The following APMAP variants were observed in gnomAD, a reference collection of about 807,000 sequenced individuals.
The protein encoded by APMAP is adipocyte plasma membrane associated protein.
A neutral mutation model predicts 43.6 loss-of-function variants in APMAP; 33 were observed. That is an observed-to-expected ratio of 0.76 (90% CI 0.57 to 1.01). APMAP has a LOEUF of 1.01. Among genes scored for constraint, APMAP ranks in the 50% least tolerant of loss-of-function variants. The pLI is 0.00. For missense variants in APMAP, 498 were observed against 540.7 expected (o/e 0.92, Z 0.78); for synonymous variants, 224 against 216.7 (o/e 1.03, Z -0.30).
At chr20:24,979,167 C>T (rs180837970) in intron 2 of APMAP, among the ~76,000 whole-genome samples, 103 of 152,332 alleles carry the variant, frequency 6.8e-4, no homozygotes, top group Non-Finnish European at 1.3e-3. Context: ...CTCCCCAGCT[C>T]CCCACCCCCA....
intron 1 of APMAP, among the ~76,000 whole-genome samples, chr20:24,991,418 G>C (rs747229978): frequency 6.6e-6 from 1 of 152,226 alleles, no homozygotes; most frequent in Non-Finnish European, 1.5e-5. Context: ...GGCAACGCAG[G>C]ATGGTTGGTC....
intron 1 of APMAP, among the ~76,000 whole-genome samples, chr20:24,985,946 A>T (rs1405215284): frequency 6.6e-6 from 1 of 152,200 alleles, no homozygotes; most frequent in Admixed American, 6.5e-5. Context: ...AGCAAAGTGG[A>T]TCCTGTAACA....
intron 1 of APMAP, among the ~76,000 whole-genome samples, chr20:24,986,391 G>A (rs946041093): frequency 1.3e-5 from 2 of 152,152 alleles, no homozygotes; most frequent in African/African-American, 4.8e-5. Context: ...AGAGGCCAAG[G>A]GAGCCCAGCT....
At chr20:24,986,264 C>T (rs868047432) in intron 1 of APMAP, among the ~76,000 whole-genome samples, 1 of 152,222 alleles carries the variant, frequency 6.6e-6, no homozygotes, top group Admixed American at 6.5e-5. Flanking sequence ...GAGCTCACCC[C>T]GTACACCTGA....
chr20:24,967,561 TGCTC>T (rs1291340795), intron 8 of APMAP, among the ~76,000 whole-genome samples: 2 of 152,238 alleles, frequency 1.3e-5, no homozygotes, highest in Non-Finnish European at 2.9e-5. Flanking sequence ...GAAAAACACC[TGCTC>T]TGATGGTATG....
intron 1 of APMAP, among the ~76,000 whole-genome samples, chr20:24,989,966 A>C (rs1408004316): frequency 6.6e-6 from 1 of 152,232 alleles, no homozygotes; most frequent in Non-Finnish European, 1.5e-5. Context: ...AATTATACAG[A>C]ATTTAATGTA....
At chr20:24,985,044 T>A (rs1360550225) in intron 1 of APMAP, among the ~76,000 whole-genome samples, 1 of 152,120 alleles carries the variant, frequency 6.6e-6, no homozygotes, top group South Asian at 2.1e-4. Flanking sequence ...TTGACAGAAG[T>A]GTAGTCTTCT....
At chr20:24,983,176 A>G (rs900404118) in intron 2 of APMAP, among the ~76,000 whole-genome samples, 2 of 152,358 alleles carry the variant, frequency 1.3e-5, no homozygotes, top group Middle Eastern at 3.4e-3. Flanking sequence ...TACATTATTC[A>G]GCTAGTATGT....
chr20:24,981,013 C>T (rs1350625497), intron 2 of APMAP, among the ~76,000 whole-genome samples: 1 of 152,244 alleles, frequency 6.6e-6, no homozygotes, highest in African/African-American at 2.4e-5. Context: ...GCTTAGACCA[C>T]ACTTAGAAAT....
At position 24,970,218 on chromosome 20, in the gene APMAP, A is replaced by G; in HGVS notation, c.692T>C (p.Met231Thr). 1 of 1,614,140 alleles carries G rather than the reference A, an allele frequency of 6.2e-7. No individual in the cohort carries two copies. The highest frequency in any genetic ancestry group is 8.5e-7 in the Non-Finnish European group (1 of 1,180,032). The change falls in exon 6 of 9, where the codon ATG becomes ACG. Residue 231 changes from methionine (M) to threonine (T), a missense_variant. Physicochemically the swap from Met to Thr is moderately conservative, Grantham distance 81. Coordinates refer to ENST00000217456, the MANE Select transcript of APMAP (RefSeq NM_020531.3). Reference sequence around the variant, plus strand: ...TCACCGCCCGTCATCTGTGCCCTCCATCACCAGAAGCAGGTAGTCTCGTCT... The same window carrying G: ...TCACCGCCCGTCATCTGTGCCCTCCGTCACCAGAAGCAGGTAGTCTCGTCT... ...WQRRDYLLLV[M>T]EGTDDGRLLE...
At chr20:24,983,655 A>G (rs2088123093) in intron 2 of APMAP, among the ~76,000 whole-genome samples, 1 of 152,180 alleles carries the variant, frequency 6.6e-6, no homozygotes, top group Non-Finnish European at 1.5e-5. Context: ...AAGCTTCTCT[A>G]ATTTTGAATT....
rs532817683 is a variant in APMAP, at chr20:24,971,670, C to T, written c.422-94G>A. ...AGCATCTCATCCATCCCTTCCCATA[C>T]ATCATGCTGTACAGAACAAGACAAG... On this transcript the variant is annotated intron_variant, in intron 4 of 8. Transcript: ENST00000217456. The T allele has an allele frequency of 3.4e-4, 351 of 1,026,736 alleles. 7 individuals are homozygous for T. The South Asian group carries it at 3.9e-3, about 11-fold the overall frequency. 63.6% of individuals were successfully genotyped at this position (1,026,736 alleles called of 1,614,324 possible).
At chr20:24,988,758 A>G (rs1354413893) in intron 1 of APMAP, among the ~76,000 whole-genome samples, 3 of 152,072 alleles carry the variant, frequency 2.0e-5, no homozygotes, top group East Asian at 1.9e-4. Flanking sequence ...CACCTCCTCA[A>G]CCTCACCTGA....
In APMAP at chr20:24,991,311, T is replaced by G. The variant is rs143675247; in HGVS notation, c.95+1283A>C. 5.3e-3 allele frequency among the ~76,000 whole-genome samples: 804 copies of G among 152,316 alleles called. 4 individuals are homozygous for G. The highest frequency in any genetic ancestry group is 0.018 in the African/African-American group (764 of 41,558). On this transcript the variant is annotated intron_variant, in intron 1 of 8. Transcript: ENST00000217456. ...GGCTCCTCAATCATCAACAGATGAT[T>G]AATTCACAATATTCACAGTAAGTAG...
chr20:24,963,634 C>T lies in APMAP; in HGVS notation c.*179G>A, dbSNP rs1370588701. The stretch of plus-strand genomic sequence containing the variant: ...CTTCCCTCTAAACAGAAAGACAAGC[C>T]CAGGTGGGGCCCGGGCATCCTCGAG... On this transcript the variant is annotated 3_prime_UTR_variant, in exon 9 of 9. Coordinates refer to ENST00000217456, the MANE Select transcript of APMAP (RefSeq NM_020531.3). The T allele has an allele frequency of 1.6e-6, 1 of 644,796 alleles. No individual in the cohort carries two copies. Among genetic ancestry groups the T allele is most frequent in the African/African-American group, 1.8e-5 (1 of 54,604 alleles). 39.9% of individuals were successfully genotyped at this position (644,796 alleles called of 1,614,324 possible). A position where few individuals can be genotyped will look rare whatever the true frequency, so the allele number is the denominator to read the frequency against.
chr20:24,974,987 T>C (rs2088038383), intron 3 of APMAP, among the ~76,000 whole-genome samples: 1 of 152,112 alleles, frequency 6.6e-6, no homozygotes, highest in Admixed American at 6.6e-5. Context: ...CCATTCATGA[T>C]TAAAAACTCT....
At chr20:24,992,531 A>C in intron 1 of APMAP, 63 bp downstream of exon 1, 2 of 1,371,380 alleles carry the variant, frequency 1.5e-6, no homozygotes, top group East Asian at 3.0e-5. Flanking sequence ...GCCGCTGTCC[A>C]AGAGGGTCGC....
At chr20:24,964,134 G>C (rs998152301) in intron 8 of APMAP, 112 bp from the exon 9 acceptor site, 2 of 1,144,712 alleles carry the variant, frequency 1.7e-6, no homozygotes, top group African/African-American at 1.5e-5. Flanking sequence ...TCCCATGACA[G>C]GGCAGCCCCA....
chr20:24,979,438 G>A (rs1201972887), intron 2 of APMAP, among the ~76,000 whole-genome samples: 8 of 152,182 alleles, frequency 5.3e-5, no homozygotes, highest in Non-Finnish European at 5.9e-5. Flanking sequence ...AGGAGCCTGA[G>A]CTGGGCCCTG....
Sources: allele counts gnomAD v4.1 joint callset (sites outside exome capture counted in the v4.1 genomes callset), GRCh38; gene constraint gnomAD v4.1.1; transcripts MANE v1.5; gene names NCBI Gene and HGNC (gene_info 2026-07-23, HGNC 2026-07-21).